Variants in KIAA1217 observed in about 807,000 individuals in gnomAD.
KIAA1217 encodes sickle tail protein homolog.
Under a neutral mutation model 163.9 loss-of-function variants are expected in KIAA1217, and 88 were observed. The observed-to-expected ratio is 0.54, with a 90% CI of 0.45 to 0.64. The LOEUF (loss-of-function observed/expected upper bound fraction) is 0.64, where lower values mean the gene tolerates loss of function less well. Among genes scored for constraint, KIAA1217 ranks in the 30% least tolerant of loss-of-function variants. KIAA1217 has a pLI of 0.00. For synonymous variants in KIAA1217, 903 were observed against 923.1 expected (o/e 0.98, Z 0.39); for missense variants, 2,372 against 2,475.0 (o/e 0.96, Z 0.88).
intron 1 of KIAA1217, among the ~76,000 whole-genome samples, chr10:23,807,654 G>A (rs530744897): frequency 6.6e-6 from 1 of 152,332 alleles, no homozygotes; most frequent in Non-Finnish European, 1.5e-5. Context: ...GTGAGCTGAT[G>A]TGAAACAACT....
intron 2 of KIAA1217, among the ~76,000 whole-genome samples, chr10:24,058,199 A>G (rs990327718): frequency 5.3e-5 from 8 of 152,132 alleles, no homozygotes; most frequent in African/African-American, 1.9e-4. Flanking sequence ...AGATCAGCTA[A>G]TTGTGTATGC....
chr10:24,213,303 ACT>A (rs947020448), intron 1 of KIAA1217, among the ~76,000 whole-genome samples: 2 of 151,958 alleles, frequency 1.3e-5, no homozygotes, highest in Non-Finnish European at 2.9e-5. Flanking sequence ...CCTTGGGATG[ACT>A]CTGTCCACAG....
intron 2 of KIAA1217, among the ~76,000 whole-genome samples, chr10:24,141,154 C>A (rs573993872): frequency 6.6e-6 from 1 of 151,456 alleles, no homozygotes; most frequent in Admixed American, 6.6e-5. Context: ...ATAGAGACAC[C>A]CTAAGGAGAA....
intron 1 of KIAA1217, among the ~76,000 whole-genome samples, chr10:24,211,551 TATTGTATTGTATTGTATTGTATTG>T (rs1564836114): frequency 1.7e-4 from 10 of 59,832 alleles, no homozygotes; most frequent in African/African-American, 4.2e-4. Context: ...TATTGTATTG[TATTGTATTGTATTGTATTGTATTG>T]TATTGTATTG....
intron 2 of KIAA1217, among the ~76,000 whole-genome samples, chr10:24,159,658 C>A (rs2065031891): frequency 6.6e-6 from 1 of 152,022 alleles, no homozygotes; most frequent in Non-Finnish European, 1.5e-5. Flanking sequence ...TGGCAGACCC[C>A]TGTAGTCCCA....
At chr10:24,261,201 A>G (rs2075689294) in intron 2 of KIAA1217, among the ~76,000 whole-genome samples, 1 of 151,962 alleles carries the variant, frequency 6.6e-6, no homozygotes, top group South Asian at 2.1e-4. Flanking sequence ...ACATTGTCTT[A>G]TAGGAGTGCA....
At chr10:23,721,640 T>G (rs945080297) in intron 1 of KIAA1217, among the ~76,000 whole-genome samples, 1 of 152,214 alleles carries the variant, frequency 6.6e-6, no homozygotes, top group Admixed American at 6.5e-5. Flanking sequence ...TGAGTATGGT[T>G]ACCTTGAAGA....
rs756858727 is a variant in KIAA1217, at chr10:23,916,368, T to A, written c.-320-90857T>A. 1.9e-4 allele frequency among the ~76,000 whole-genome samples: 29 copies of A among 152,208 alleles called. 1 individual carries two copies. Among genetic ancestry groups the A allele is most frequent in the Non-Finnish European group, 3.8e-4 (26 of 68,038 alleles). ...TCTTACTCTGGCTCTAAGCAAATCT[T>A]CCTCATCCTTCACAGCCCGGCTCAG... On this transcript the variant is annotated intron_variant, in intron 1 of 18. Transcript: ENST00000376462.
chr10:23,718,456 TC>T (rs1837690057), intron 1 of KIAA1217, among the ~76,000 whole-genome samples: 1 of 152,198 alleles, frequency 6.6e-6, no homozygotes, highest in Non-Finnish European at 1.5e-5. Flanking sequence ...TTTGTTTTTT[TC>T]CATGTTTAAA....
At chr10:24,370,579 T>A (rs2051492421) in intron 2 of KIAA1217, among the ~76,000 whole-genome samples, 1 of 152,136 alleles carries the variant, frequency 6.6e-6, no homozygotes, top group African/African-American at 2.4e-5. Flanking sequence ...ATTCTTCATG[T>A]GGCTTTTGTT....
intron 5 of KIAA1217, chr10:24,449,882 AAT>A: frequency 3.1e-6 from 1 of 322,530 alleles, no homozygotes; most frequent in Non-Finnish European, 4.5e-6. Flanking sequence ...AGGCGATTGC[AAT>A]TTTAGGTTTT....
chr10:24,070,995 A>G (rs2061166090), intron 2 of KIAA1217, among the ~76,000 whole-genome samples: 1 of 152,114 alleles, frequency 6.6e-6, no homozygotes, highest in African/African-American at 2.4e-5. Flanking sequence ...TTTTTTGAAT[A>G]TTCACAAAAG....
intron 1 of KIAA1217, among the ~76,000 whole-genome samples, chr10:23,876,159 G>A (rs191800550): frequency 5.5e-4 from 84 of 151,578 alleles, no homozygotes; most frequent in Non-Finnish European, 1.0e-3. Flanking sequence ...CATAAAAAGA[G>A]CAAAATCAAG....
chr10:23,991,978 G>A (rs1403695701), intron 1 of KIAA1217, among the ~76,000 whole-genome samples: 1 of 152,166 alleles, frequency 6.6e-6, no homozygotes, highest in Non-Finnish European at 1.5e-5. Flanking sequence ...TCATGGTGGA[G>A]AGTAGAGAAC....
chr10:23,712,285 C>T (rs1040729075), intron 1 of KIAA1217, among the ~76,000 whole-genome samples: 1 of 152,030 alleles, frequency 6.6e-6, no homozygotes, highest in Non-Finnish European at 1.5e-5. Context: ...GCTCCCCTCA[C>T]CTGCATTCCC....
chr10:24,111,354 G>T (rs1031054761), intron 2 of KIAA1217, among the ~76,000 whole-genome samples: 1 of 152,100 alleles, frequency 6.6e-6, no homozygotes, highest in Non-Finnish European at 1.5e-5. Context: ...AATTCTGATG[G>T]AATGGCTTTT....
intron 2 of KIAA1217, among the ~76,000 whole-genome samples, chr10:24,326,551 G>C (rs2044926670): frequency 1.3e-5 from 2 of 152,060 alleles, no homozygotes; most frequent in African/African-American, 4.8e-5. Context: ...TGAATCTAAA[G>C]GTGTGAAAGG....
intron 2 of KIAA1217, among the ~76,000 whole-genome samples, chr10:24,368,637 C>T (rs932034152): frequency 6.6e-6 from 1 of 152,114 alleles, no homozygotes; most frequent in Non-Finnish European, 1.5e-5. Context: ...CTCTCAGATC[C>T]TCTCCAGATG....
intron 2 of KIAA1217, among the ~76,000 whole-genome samples, chr10:24,040,330 G>T (rs1848578099): frequency 6.6e-6 from 1 of 152,202 alleles, no homozygotes; most frequent in Admixed American, 6.5e-5. Context: ...CAATTGGAAT[G>T]CTCTTCATTT....
Sources: gnomAD v4.1 joint callset for allele counts (sites outside exome capture counted in the v4.1 genomes callset) on GRCh38, gnomAD v4.1.1 for gene constraint, MANE v1.5 for transcripts, NCBI Gene and HGNC (gene_info 2026-07-23, HGNC 2026-07-21) for gene names.